IQGAP3: variants seen among roughly 807,000 people sequenced by gnomAD.
IQGAP3 encodes the protein IQ motif containing GTPase activating protein 3, also known as ras GTPase-activating-like protein IQGAP3.
In IQGAP3, 165 loss-of-function variants were observed where a neutral mutation model predicts 208.2. The ratio of observed to expected loss-of-function variants is 0.79; its 90% CI spans 0.70 to 0.90. The LOEUF (loss-of-function observed/expected upper bound fraction) is 0.90, where lower values mean the gene tolerates loss of function less well. IQGAP3 is among the 40% of genes least tolerant of loss of function. The pLI, the probability that IQGAP3 is intolerant of heterozygous loss-of-function variation, is 0.00. For synonymous variants in IQGAP3, 703 were observed against 803.6 expected, an observed-to-expected ratio of 0.87 and a Z score of 2.12; for missense variants, 1,811 against 2,043.1, an observed-to-expected ratio of 0.89 and a Z score of 2.19.
intron 10 of IQGAP3, among the ~76,000 whole-genome samples, chr1:156,561,520 T>C (rs1031904639): frequency 6.6e-6 from 1 of 152,190 alleles, no homozygotes; most frequent in Non-Finnish European, 1.5e-5. Flanking sequence ...AATAACAACA[T>C]AGACAACACG....
In IQGAP3 at chr1:156,548,685, C is replaced by T. The variant is rs370974075; in HGVS notation, c.1889G>A (p.Arg630Gln). The change falls in exon 17 of 38, where the codon CGG becomes CAG. Residue 630 changes from arginine to glutamine, a missense_variant. Physicochemically the swap from Arg to Gln is conservative, Grantham distance 43. Coordinates refer to ENST00000361170, the MANE Select transcript of IQGAP3 (RefSeq NM_178229.5). ...GGCCACTGCGGGGTTCCTCAACACC[C>T]GCTCAGTCTGGGCTGCCTTGCCCTC... ...IKEGKAAQTE[R>Q]VLRNPAVALR... The T allele has an allele frequency of 4.3e-5, 70 of 1,611,086 alleles. 1 individual carries two copies. The African/African-American group carries it at 7.3e-4, about 17-fold the overall frequency.
chr1:156,527,039 G>A (rs1434347683), intron 37 of IQGAP3, among the ~76,000 whole-genome samples: 3 of 151,198 alleles, frequency 2.0e-5, no homozygotes, highest in Admixed American at 6.6e-5. Flanking sequence ...CACTATATTG[G>A]CCAGGCTGGT....
At chr1:156,534,259 T>C in intron 29 of IQGAP3, 118 bp from the exon 30 acceptor site, 2 of 1,468,768 alleles carry the variant, frequency 1.4e-6, no homozygotes, top group Non-Finnish European at 9.3e-7. Flanking sequence ...GACTCTCCAG[T>C]CTCAGCTTCT....
At chr1:156,529,126 C>T in intron 34 of IQGAP3, 44 bp from the exon 35 acceptor site, 2 of 1,603,978 alleles carry the variant, frequency 1.2e-6, no homozygotes, top group South Asian at 2.2e-5. Context: ...TCCTTCCTGG[C>T]AGGAGAGCCT....
intron 20 of IQGAP3, 80 bp from the exon 21 acceptor site, chr1:156,544,303 G>A: frequency 6.4e-7 from 1 of 1,568,940 alleles, no homozygotes; most frequent in South Asian, 1.1e-5. Context: ...GCTAAATCTA[G>A]AGGTCACAAG....
At chr1:156,547,844 T>C (rs1302764374) in intron 19 of IQGAP3, among the ~76,000 whole-genome samples, 3 of 152,108 alleles carry the variant, frequency 2.0e-5, no homozygotes, top group Non-Finnish European at 4.4e-5. Flanking sequence ...GAGGGACCAG[T>C]GAGGAAACTG....
At chr1:156,537,632 G>C (rs1674756701) in intron 26 of IQGAP3, among the ~76,000 whole-genome samples, 1 of 152,164 alleles carries the variant, frequency 6.6e-6, no homozygotes, top group Admixed American at 6.5e-5. Flanking sequence ...AATAGTCTTT[G>C]GGAGTTTGGA....
chr1:156,566,434 C>A lies in IQGAP3; in HGVS notation c.238G>T (p.Val80Phe). The A allele has an allele frequency of 6.2e-7, 1 of 1,614,154 alleles. No homozygotes were observed. Among genetic ancestry groups the A allele is most frequent in the Non-Finnish European group, 8.5e-7 (1 of 1,180,018 alleles). ...ACATCGTAGATCTTCTTCAAGGGAA[C>A]CACGGAGGGTGCAAAACAGTGGCCT... ...KLGHCFAPSV[V>F]PLKKIYDVEQ... The change falls in exon 3 of 38, where the codon GTT (valine) becomes TTT (phenylalanine). Residue 80 changes from valine (V) to phenylalanine (F), a missense_variant. Val to Phe is a conservative substitution (Grantham distance 50). Transcript: ENST00000361170.
Position 156,551,742 on chromosome 1 carries a change from T to C in IQGAP3, c.1697A>G (p.His566Arg), listed in dbSNP as rs765316652. The C allele has an allele frequency of 6.2e-7, 1 of 1,613,452 alleles. No individual in the cohort carries two copies. Among genetic ancestry groups the C allele is most frequent in the African/African-American group, 1.3e-5 (1 of 74,958 alleles). The change falls in exon 15 of 38, where the codon CAT becomes CGT. Residue 566 changes from histidine (H) to arginine (R), a missense_variant. Physicochemically the swap from His to Arg is conservative, Grantham distance 29. Transcript: ENST00000361170. ...CCTTTTGGCTGCCACAAGGAGGAGA[T>C]GGTACCGAGGGGCGACAGGGAGGCT... ...DVSLPVAPRYHLLLVAAKRQK... is the reference protein window; with the variant it reads ...DVSLPVAPRYRLLLVAAKRQK...
chr1:156,554,531 A>C, intron 12 of IQGAP3, 139 bp from the exon 13 acceptor site: 1 of 687,416 alleles, frequency 1.5e-6, no homozygotes, highest in Non-Finnish European at 2.3e-6. Flanking sequence ...CTCACTAATA[A>C]TCATCATACA....
At chr1:156,533,986 C>A in intron 30 of IQGAP3, 23 bp downstream of exon 30, 1 of 1,612,794 alleles carries the variant, frequency 6.2e-7, no homozygotes, top group Middle Eastern at 1.7e-4. Flanking sequence ...CCAGCCAACA[C>A]CCTCCAGATC....
At position 156,548,720 on chromosome 1, in the gene IQGAP3, T is replaced by G; in HGVS notation, c.1854A>C (p.Gln618His). ...GGGCTGCCTTGCCCTCCTTGATGGC[T>G]TGATTGATGGCAGCCACACCAAGAG... ...RMALGVAAIN[Q>H]AIKEGKAAQT... Residue 618 changes from glutamine (Q) to histidine (H), a missense_variant, in exon 17 of 38, where the codon CAA becomes CAC. Gln to His is a conservative substitution (Grantham distance 24). Transcript: ENST00000361170. 6.3e-7 allele frequency: 1 copy of G among 1,590,104 alleles called. No individual in the cohort carries two copies. Among genetic ancestry groups the G allele is most frequent in the Non-Finnish European group, 8.6e-7 (1 of 1,167,164 alleles).
chr1:156,546,273 C>G (rs899124928), intron 19 of IQGAP3, among the ~76,000 whole-genome samples: 1 of 152,118 alleles, frequency 6.6e-6, no homozygotes, highest in African/African-American at 2.4e-5. Flanking sequence ...CTCAGCACAC[C>G]CAGGAAGCCT....
Position 156,569,409 on chromosome 1 carries a change from T to C in IQGAP3, c.92A>G (p.Tyr31Cys), listed in dbSNP as rs774622935. 8 of 1,613,306 alleles carry C rather than the reference T, an allele frequency of 5.0e-6. No individual in the cohort carries two copies. Among genetic ancestry groups the C allele is most frequent in the Admixed American group, 3.3e-5 (2 of 59,962 alleles). Residue 31 changes from tyrosine to cysteine, a missense_variant, in exon 2 of 38, where the codon TAT becomes TGT. Tyr to Cys is a radical substitution (Grantham distance 194). Transcript: ENST00000361170. ...CTCCTCCAGCCGGCACAGGTACTGA[T>C]AGGCAACATTCTGCCGCCTCTGCTC... Reference protein sequence around the residue: ...MDEQRRQNVAYQYLCRLEEAK... With the variant: ...MDEQRRQNVACQYLCRLEEAK...
Position 156,538,872 on chromosome 1 carries a change from G to A in IQGAP3, c.3218C>T (p.Thr1073Ile). ...VLEDKVLSVH[T>I]DPVHLYKNWI... The stretch of plus-strand genomic sequence containing the variant: ...GTTCTTATAGAGGTGGACAGGGTCT[G>A]TGTGGACGCTGAGCACTTTGTCTTC... The change falls in exon 26 of 38, where the codon ACA becomes ATA. Residue 1073 changes from threonine to isoleucine, a missense_variant. By Grantham distance (89) the Thr-to-Ile change is moderately conservative. Transcript: ENST00000361170. 3 of 1,614,192 alleles carry A rather than the reference G, an allele frequency of 1.9e-6. No individual in the cohort carries two copies. The highest frequency in any genetic ancestry group is 1.1e-5 in the South Asian group (1 of 91,082).
intron 26 of IQGAP3, among the ~76,000 whole-genome samples, chr1:156,538,186 G>A (rs962949660): frequency 1.3e-5 from 2 of 152,084 alleles, no homozygotes; most frequent in Non-Finnish European, 2.9e-5. Flanking sequence ...TCAGCCTCCC[G>A]AGTAGCTAGG....
At chr1:156,555,980 T>C (rs1185315733) in intron 12 of IQGAP3, among the ~76,000 whole-genome samples, 1 of 152,134 alleles carries the variant, frequency 6.6e-6, no homozygotes, top group East Asian at 1.9e-4. Context: ...CTATTGATTC[T>C]CTTCCAGGAA....
chr1:156,551,648 AC>A, intron 15 of IQGAP3, 56 bp downstream of exon 15: 2 of 1,540,752 alleles, frequency 1.3e-6, no homozygotes, highest in Non-Finnish European at 1.8e-6. Flanking sequence ...GTACAGTGCA[AC>A]CCACAGAGAA....
chr1:156,539,035 T>C lies in IQGAP3; in HGVS notation c.3057-2A>G. 6.2e-7 allele frequency: 1 copy of C among 1,612,078 alleles called. No homozygotes were observed. The highest frequency in any genetic ancestry group is 8.5e-7 in the Non-Finnish European group (1 of 1,178,726). On this transcript the variant is annotated splice_acceptor_variant, in intron 25 of 37. Transcript: ENST00000361170. LOFTEE classifies it high-confidence loss of function. ...TCCTGGGGCTGCTCCACCTTTGACC[T>C]GTGGTTTAAGAGGTCATTGAAACCA...
Sources: gnomAD v4.1 joint callset for allele counts (sites outside exome capture counted in the v4.1 genomes callset) on GRCh38, gnomAD v4.1.1 for gene constraint, MANE v1.5 for transcripts, NCBI Gene and HGNC (gene_info 2026-07-23, HGNC 2026-07-21) for gene names.